The following PCNX1 variants were observed in gnomAD, a reference collection of about 807,000 sequenced individuals.
The protein encoded by PCNX1 is pecanex 1.
PCNX1 carries 78 observed loss-of-function variants against 242.2 expected under a neutral mutation model. That is an observed-to-expected ratio of 0.32 (90% CI 0.27 to 0.39). PCNX1 has a LOEUF of 0.39. Among genes scored for constraint, PCNX1 ranks in the 10% least tolerant of loss-of-function variants. PCNX1 has a pLI of 1.00. For synonymous variants in PCNX1, 1,024 were observed against 1,032.9 expected (o/e 0.99, Z 0.17); for missense variants, 2,581 against 2,856.5 (o/e 0.90, Z 2.20).
intron 30 of PCNX1, among the ~76,000 whole-genome samples, chr14:71,096,747 G>A (rs2062294986): frequency 6.6e-6 from 1 of 152,118 alleles, no homozygotes; most frequent in Non-Finnish European, 1.5e-5. Flanking sequence ...AGATCAAGTG[G>A]TCTAGAAACA....
intron 1 of PCNX1, among the ~76,000 whole-genome samples, chr14:70,914,778 C>T (rs1486026723): frequency 6.6e-6 from 1 of 152,090 alleles, no homozygotes; most frequent in African/African-American, 2.4e-5. Context: ...TACAAATCAC[C>T]CCTAAACTCT....
In PCNX1 at chr14:71,109,930, G is replaced by GT. The variant is rs2062722834; in HGVS notation, c.7022dup (p.Ter2342ValfsTer7). 6.2e-7 allele frequency: 1 copy of GT among 1,612,824 alleles called. No homozygotes were observed. Among genetic ancestry groups the GT allele is most frequent in the African/African-American group, 1.3e-5 (1 of 74,854 alleles). ...TGGGGTACTAGAACTTGGGGCTGAA[G>GT]TGTGAGCCAGTGTTTATTATAAAGA... On this transcript the variant is annotated frameshift_variant, in exon 36 of 36. Coordinates refer to ENST00000304743, the MANE Select transcript of PCNX1 (RefSeq NM_014982.3). LOFTEE classifies it high-confidence loss of function.
intron 26 of PCNX1, among the ~76,000 whole-genome samples, chr14:71,072,321 A>G (rs1442544172): frequency 1.3e-5 from 2 of 152,346 alleles, no homozygotes; most frequent in East Asian, 1.9e-4. Flanking sequence ...CACCCACAGC[A>G]TGTATTCCTA....
intron 6 of PCNX1, 136 bp downstream of exon 6, chr14:70,978,784 G>A (rs1672240286): frequency 1.3e-6 from 1 of 782,834 alleles, no homozygotes; most frequent in South Asian, 2.6e-5. Flanking sequence ...TTTCTTGAAT[G>A]AAGAAGTAGG....
intron 1 of PCNX1, among the ~76,000 whole-genome samples, chr14:70,916,696 G>T (rs978291497): frequency 1.3e-5 from 2 of 152,096 alleles, no homozygotes; most frequent in Non-Finnish European, 2.9e-5. Context: ...TTTTTTGCTG[G>T]TGAAGGGTCT....
intron 2 of PCNX1, among the ~76,000 whole-genome samples, chr14:70,960,335 G>A (rs912016747): frequency 2.7e-5 from 4 of 150,664 alleles, no homozygotes; most frequent in African/African-American, 9.8e-5. Context: ...TAAAGCCTAG[G>A]TTTTCTTCTA....
rs370396531 is a variant in PCNX1, at chr14:71,047,889, G to C, written c.4243G>C (p.Val1415Leu). Reference protein sequence around the residue: ...FSSPTYQYVTVIFTVLFFKFD... With the variant: ...FSSPTYQYVTLIFTVLFFKFD... The stretch of plus-strand genomic sequence containing the variant: ...CAGCCCTACATATCAGTATGTTACA[G>C]TCATCTTTACTGTGCTGTTTTTCAA... The change falls in exon 22 of 36, where the codon GTC becomes CTC. Residue 1415 changes from valine (V) to leucine (L), a missense_variant. Physicochemically the swap from Val to Leu is conservative, Grantham distance 32. Transcript: ENST00000304743. The C allele has an allele frequency of 5.6e-6, 9 of 1,613,202 alleles. No individual in the cohort carries two copies. The highest frequency in any genetic ancestry group is 6.8e-6 in the Non-Finnish European group (8 of 1,179,470).
chr14:70,947,031 T>A lies in PCNX1; in HGVS notation c.270T>A (p.Val90=). 6.2e-7 allele frequency: 1 copy of A among 1,613,974 alleles called. No individual in the cohort carries two copies. Among genetic ancestry groups the A allele is most frequent in the South Asian group, 1.1e-5 (1 of 91,064 alleles). The change falls in exon 2 of 36, where the codon GTT becomes GTA. Residue 90 remains valine (V), a synonymous_variant. Coordinates refer to ENST00000304743, the MANE Select transcript of PCNX1 (RefSeq NM_014982.3). ...ACAGAGCACTTGATGCTGGAGAAGT[T>A]GTAGATAGGACTGCAAATGAGTTCA... The part of the protein sequence containing the change: ...RLHRALDAGE[V]VDRTANEFTD...
At chr14:71,065,175 A>G (rs1046384729) in intron 26 of PCNX1, among the ~76,000 whole-genome samples, 1 of 152,172 alleles carries the variant, frequency 6.6e-6, no homozygotes, top group African/African-American at 2.4e-5. Context: ...CTAGTTCTAG[A>G]TTCTTGAGGA....
chr14:71,039,463 G>C, intron 19 of PCNX1, among the ~76,000 whole-genome samples: 1 of 152,196 alleles, frequency 6.6e-6, no homozygotes, highest in Admixed American at 6.6e-5. Context: ...CAAAATGGCA[G>C]CTGGTTTCCC....
At chr14:70,908,185 G>A (rs1566805620) in intron 1 of PCNX1, among the ~76,000 whole-genome samples, 182 bp downstream of exon 1, 1 of 152,104 alleles carries the variant, frequency 6.6e-6, no homozygotes, top group Non-Finnish European at 1.5e-5. Flanking sequence ...CCTGGTTTCG[G>A]AGGTGACACG....
chr14:71,048,134 C>A, intron 22 of PCNX1, 150 bp downstream of exon 22: 1 of 494,190 alleles, frequency 2.0e-6, no homozygotes, highest in South Asian at 4.4e-5. Flanking sequence ...CATTAGAATC[C>A]CTAAACAAAG....
At chr14:71,018,347 A>G (rs921200474) in intron 11 of PCNX1, among the ~76,000 whole-genome samples, 1 of 152,168 alleles carries the variant, frequency 6.6e-6, no homozygotes, top group Non-Finnish European at 1.5e-5. Flanking sequence ...ATTGATATAT[A>G]TATATGTATA....
intron 3 of PCNX1, among the ~76,000 whole-genome samples, chr14:70,964,425 A>G (rs999553780): frequency 6.6e-6 from 1 of 152,086 alleles, no homozygotes; most frequent in African/African-American, 2.4e-5. Flanking sequence ...AAGGGTTACT[A>G]TCCTTGATCC....
intron 30 of PCNX1, among the ~76,000 whole-genome samples, chr14:71,099,300 AG>A (rs1352105608): frequency 6.6e-6 from 1 of 151,810 alleles, no homozygotes; most frequent in East Asian, 1.9e-4. Flanking sequence ...CTGGGACTGC[AG>A]GCGCCCGCCA....
At chr14:71,028,241 C>G (rs553002340) in intron 15 of PCNX1, among the ~76,000 whole-genome samples, 2 of 151,860 alleles carry the variant, frequency 1.3e-5, no homozygotes, top group Non-Finnish European at 1.5e-5. Flanking sequence ...GCAATTAGAT[C>G]TACACTTTTT....
At chr14:71,025,767 G>A (rs1472133631) in intron 13 of PCNX1, among the ~76,000 whole-genome samples, 2 of 152,134 alleles carry the variant, frequency 1.3e-5, no homozygotes, top group African/African-American at 4.8e-5. Flanking sequence ...TACTTGGAAG[G>A]CTGAGGCAGG....
intron 2 of PCNX1, among the ~76,000 whole-genome samples, chr14:70,956,278 C>T (rs2057990390): frequency 6.6e-6 from 1 of 152,126 alleles, no homozygotes; most frequent in African/African-American, 2.4e-5. Context: ...CGCAGTGGCT[C>T]ACGCTTGTAT....
At chr14:71,026,403 T>C (rs947926552) in intron 14 of PCNX1, 115 bp downstream of exon 14, 10 of 619,492 alleles carry the variant, frequency 1.6e-5, no homozygotes, top group African/African-American at 1.9e-5. Flanking sequence ...ATTTTACTGT[T>C]ATTATGTGCT....
Sources: gnomAD v4.1 joint callset for allele counts (sites outside exome capture counted in the v4.1 genomes callset) on GRCh38, gnomAD v4.1.1 for gene constraint, MANE v1.5 for transcripts, NCBI Gene and HGNC (gene_info 2026-07-23, HGNC 2026-07-21) for gene names.